Variants in DNAH5 observed in about 807,000 individuals in gnomAD.
DNAH5 encodes the protein dynein axonemal heavy chain 5.
A neutral mutation model predicts 518.2 loss-of-function variants in DNAH5; 372 were observed. That is an observed-to-expected ratio of 0.72 (90% confidence interval 0.66 to 0.78). The LOEUF (loss-of-function observed/expected upper bound fraction) is 0.78. Among genes scored for constraint, DNAH5 ranks in the 30% least tolerant of loss-of-function variants. The pLI is 0.00. For missense variants in DNAH5, 5,523 were observed against 5,687.0 expected, an observed-to-expected ratio of 0.97 and a Z score of 0.93; for synonymous variants, 2,039 against 2,025.9, an observed-to-expected ratio of 1.01 and a Z score of -0.17.
At chr5:13,753,211 A>C in intron 63 of DNAH5, 22 bp downstream of exon 63, 1 of 1,590,104 alleles carries the variant, frequency 6.3e-7, no homozygotes, top group Non-Finnish European at 8.6e-7. Context: ...CGGTAGCATA[A>C]ACATACTAAA....
intron 52 of DNAH5, among the ~76,000 whole-genome samples, chr5:13,782,198 G>T (rs937262939): frequency 1.3e-5 from 2 of 152,170 alleles, no homozygotes; most frequent in African/African-American, 4.8e-5. Flanking sequence ...ACTGGAAGGG[G>T]TCACTTCTCC....
intron 50 of DNAH5, among the ~76,000 whole-genome samples, chr5:13,790,205 A>G (rs1055419088): frequency 8.5e-5 from 13 of 152,210 alleles, no homozygotes; most frequent in Admixed American, 3.3e-4. Flanking sequence ...CAGGGTATAT[A>G]TACCCAGAGG....
intron 76 of DNAH5, among the ~76,000 whole-genome samples, chr5:13,703,325 T>C (rs1473236189): frequency 6.6e-6 from 1 of 152,162 alleles, no homozygotes; most frequent in Non-Finnish European, 1.5e-5. Flanking sequence ...ACAATAATGC[T>C]AGGAATTATA....
At chr5:13,911,616 CT>C in intron 11 of DNAH5, 123 bp from the exon 12 acceptor site, 1 of 806,868 alleles carries the variant, frequency 1.2e-6, no homozygotes, top group Non-Finnish European at 2.0e-6. Flanking sequence ...TAAAGGAAGC[CT>C]TATTTTTTTA....
rs541067004 is a variant in DNAH5, at chr5:13,745,898, C to T, written c.11211+5180G>A. The stretch of plus-strand genomic sequence containing the variant: ...CAAGAAGTGAGATTATAGTCAAAGA[C>T]ACTGCATTGTCACTGAAGTCAAAGG... On this transcript the variant is annotated intron_variant, in intron 65 of 78. Coordinates refer to ENST00000265104, the MANE Select transcript of DNAH5 (RefSeq NM_001369.3). Among the ~76,000 whole-genome samples the T allele has an allele frequency of 1.1e-3, 174 of 152,100 alleles. No individual in the cohort carries two copies. In the Middle Eastern group the frequency reaches 0.014, roughly 12 times the overall value.
Position 13,910,554 on chromosome 5 carries a change from T to C in DNAH5, c.1644+832A>G, listed in dbSNP as rs574723778. ...AAATAGAGTGGCTATTTTCCTCTTA[T>C]AGTCAGAAAGATAGACATTTGCACC... On this transcript the variant is annotated intron_variant, in intron 12 of 78. Transcript: ENST00000265104. 4.1e-4 allele frequency among the ~76,000 whole-genome samples: 63 copies of C among 152,300 alleles called. 1 individual carries two copies. The South Asian group carries it at 0.011, about 26-fold the overall frequency.
intron 42 of DNAH5, among the ~76,000 whole-genome samples, chr5:13,816,912 G>A (rs912532353): frequency 6.6e-6 from 1 of 152,106 alleles, no homozygotes; most frequent in Non-Finnish European, 1.5e-5. Flanking sequence ...TCAGGAGTGA[G>A]GAAATCAAAT....
chr5:13,770,357 C>G (rs1331934655), intron 56 of DNAH5, among the ~76,000 whole-genome samples: 1 of 152,192 alleles, frequency 6.6e-6, no homozygotes, highest in East Asian at 1.9e-4. Flanking sequence ...GAGGGGATGT[C>G]TGCATTCGCA....
intron 69 of DNAH5, 115 bp from the exon 70 acceptor site, chr5:13,727,771 C>A (rs1228699277): frequency 8.8e-7 from 1 of 1,131,306 alleles, no homozygotes; most frequent in East Asian, 2.5e-5. Flanking sequence ...AAATTATATT[C>A]CTTGGCTATT....
chr5:13,738,463 G>A (rs768246712), intron 65 of DNAH5, among the ~76,000 whole-genome samples: 5 of 152,298 alleles, frequency 3.3e-5, no homozygotes, highest in African/African-American at 7.2e-5. Context: ...CTGTGAGCAC[G>A]TTTAAATTGA....
chr5:13,806,274 G>T (rs1759566237), intron 47 of DNAH5, among the ~76,000 whole-genome samples: 1 of 151,978 alleles, frequency 6.6e-6, no homozygotes, highest in Non-Finnish European at 1.5e-5. Context: ...CTGCAATTTG[G>T]GGTTGACCAT....
At chr5:13,967,388 T>A (rs1042892038) in intron 1 of DNAH5, among the ~76,000 whole-genome samples, 2 of 152,212 alleles carry the variant, frequency 1.3e-5, no homozygotes, top group East Asian at 3.9e-4. Context: ...TTCATTCTTA[T>A]ATATGTGGCT....
Position 14,007,267 on chromosome 5 carries a change from T to C in DNAH5, c.12+4381A>G, listed in dbSNP as rs75933072. On this transcript the variant is annotated intron_variant, in intron 1 of 78. Transcript: ENST00000681290. ...CTCAGGACATCACTGCATCACAAGC[T>C]CTTTCATTGTGTAGCCAACAGGCTA... Among the ~76,000 whole-genome samples the C allele has an allele frequency of 4.1e-3, 626 of 152,320 alleles. 3 individuals are homozygous for C. The highest frequency in any genetic ancestry group is 6.8e-3 in the Non-Finnish European group (461 of 68,032).
chr5:13,951,223 T>G (rs1780380860), intron 1 of DNAH5, among the ~76,000 whole-genome samples: 1 of 133,432 alleles, frequency 7.5e-6, no homozygotes, highest in Admixed American at 7.6e-5. Flanking sequence ...TTTTTTTTTT[T>G]TTTTTTTTTT....
intron 61 of DNAH5, 25 bp from the exon 62 acceptor site, chr5:13,754,363 A>C (rs774717032): frequency 6.2e-7 from 1 of 1,613,992 alleles, no homozygotes; most frequent in South Asian, 1.1e-5. Flanking sequence ...AATCACAAGA[A>C]AGCTTTTACT....
Position 13,871,755 on chromosome 5 carries a change from G to A in DNAH5, c.3407C>T (p.Thr1136Ile). The A allele has an allele frequency of 1.2e-6, 2 of 1,613,432 alleles. No individual in the cohort carries two copies. Among genetic ancestry groups the A allele is most frequent in the South Asian group, 2.2e-5 (2 of 91,066 alleles). ...IINSTKKEVI[T>I]SMDCFKRYNH... ...GTAGCGTTTGAAGCAATCCATGGAT[G>A]TAATAACTTCCTGAATGCAAATAAC... Residue 1136 changes from threonine to isoleucine, a missense_variant, in exon 23 of 79, where the codon ACA (threonine) becomes ATA (isoleucine). Physicochemically the swap from Thr to Ile is moderately conservative, Grantham distance 89 (BLOSUM62 -1). Transcript: ENST00000265104.
chr5:13,798,986 A>C (rs1010092046), intron 47 of DNAH5, among the ~76,000 whole-genome samples: 1 of 151,918 alleles, frequency 6.6e-6, no homozygotes, highest in Non-Finnish European at 1.5e-5. Flanking sequence ...AGCTAGTCTC[A>C]AACTCCTGAC....
In DNAH5 at chr5:13,810,211, A is replaced by C; in HGVS notation, c.7457T>G (p.Phe2486Cys). 6.4e-7 allele frequency: 1 copy of C among 1,550,506 alleles called. No homozygotes were observed. Among genetic ancestry groups the C allele is most frequent in the South Asian group, 1.2e-5 (1 of 84,096 alleles). The change falls in exon 45 of 79, where the codon TTC (phenylalanine) becomes TGC (cysteine). Residue 2486 changes from phenylalanine (F) to cysteine (C), a missense_variant. Physicochemically the swap from Phe to Cys is radical, Grantham distance 205 (BLOSUM62 -2). Coordinates refer to ENST00000265104, the MANE Select transcript of DNAH5 (RefSeq NM_001369.3). Reference protein sequence around the residue: ...SQAHLGRLFVFALLWSAGAAL... With the variant: ...SQAHLGRLFVCALLWSAGAAL... ...CGCCCCCGCGCTCCACAGCAGCGCG[A>C]ACACGAACAGCCGCCCCAGGTGAGC...
upstream of DNAH5, among the ~76,000 whole-genome samples, chr5:13,948,581 T>C (rs552751213): frequency 6.6e-6 from 1 of 152,274 alleles, no homozygotes; most frequent in East Asian, 1.9e-4. Context: ...TGTGAAAAAT[T>C]ATCTTGGAGA....
Sources: allele counts gnomAD v4.1 joint callset (sites outside exome capture counted in the v4.1 genomes callset), GRCh38; gene constraint gnomAD v4.1.1; transcripts MANE v1.5; gene names NCBI Gene and HGNC (gene_info 2026-07-23, HGNC 2026-07-21).